The following TMEM132D variants were observed in gnomAD, a reference collection of about 807,000 sequenced individuals.
TMEM132D encodes transmembrane protein 132D.
In TMEM132D, 21 loss-of-function variants were observed where a neutral mutation model predicts 62.3. The ratio of observed to expected loss-of-function variants is 0.34; its 90% CI spans 0.24 to 0.49. The LOEUF (loss-of-function observed/expected upper bound fraction) is 0.49, where lower values mean the gene tolerates loss of function less well. Among genes scored for constraint, TMEM132D ranks in the 20% least tolerant of loss-of-function variants. The pLI is 0.99. For synonymous variants in TMEM132D, 621 were observed against 575.6 expected (o/e 1.08, Z -1.13); for missense variants, 1,346 against 1,402.8 (o/e 0.96, Z 0.65).
intron 2 of TMEM132D, among the ~76,000 whole-genome samples, chr12:129,563,738 CACAGACATTCAACCCACAG>C (rs1021235346): frequency 8.7e-4 from 132 of 152,128 alleles, no homozygotes; most frequent in African/African-American, 2.7e-3. Flanking sequence ...AGGGTCAACC[CACAGACATTCAACCCACAG>C]ACAGACATTC....
intron 1 of TMEM132D, among the ~76,000 whole-genome samples, chr12:129,724,123 G>A (rs1868941618): frequency 1.3e-5 from 2 of 152,216 alleles, no homozygotes; most frequent in Non-Finnish European, 2.9e-5. Flanking sequence ...GCACATTTGA[G>A]ATGACTATGC....
chr12:129,101,829 C>A (rs1436988654), intron 5 of TMEM132D, among the ~76,000 whole-genome samples: 1 of 152,094 alleles, frequency 6.6e-6, no homozygotes, highest in Non-Finnish European at 1.5e-5. Context: ...TGACAGCAAC[C>A]GAGGTCCTTT....
At chr12:129,492,785 T>C (rs1219378518) in intron 3 of TMEM132D, among the ~76,000 whole-genome samples, 3 of 152,086 alleles carry the variant, frequency 2.0e-5, no homozygotes. Flanking sequence ...TACCCTCAAG[T>C]CACTAAGGTC....
chr12:129,305,019 A>G (rs866776476), intron 4 of TMEM132D, among the ~76,000 whole-genome samples: 2 of 152,312 alleles, frequency 1.3e-5, no homozygotes, highest in African/African-American at 4.8e-5. Context: ...CTACAAAACC[A>G]TATATCCATT....
chr12:129,609,700 C>G (rs796327861), intron 2 of TMEM132D, among the ~76,000 whole-genome samples: 1 of 152,168 alleles, frequency 6.6e-6, no homozygotes, highest in Non-Finnish European at 1.5e-5. Context: ...CCTCATCCCA[C>G]GAAGAGGTCG....
intron 4 of TMEM132D, among the ~76,000 whole-genome samples, chr12:129,294,878 T>G (rs937566135): frequency 4.6e-5 from 7 of 152,222 alleles, no homozygotes; most frequent in Non-Finnish European, 1.0e-4. Context: ...TTCTCCAGTT[T>G]GGTGGGATTT....
intron 5 of TMEM132D, among the ~76,000 whole-genome samples, chr12:129,165,005 G>A (rs1877503608): frequency 6.6e-6 from 1 of 152,104 alleles, no homozygotes; most frequent in African/African-American, 2.4e-5. Flanking sequence ...AATAGATAAT[G>A]GTATATTCAT....
At chr12:129,849,145 G>T (rs569418991) in intron 1 of TMEM132D, among the ~76,000 whole-genome samples, 1 of 152,248 alleles carries the variant, frequency 6.6e-6, no homozygotes, top group Admixed American at 6.5e-5. Context: ...AAGCATCCCT[G>T]GCTTTCCAGT....
chr12:129,087,984 T>C, intron 5 of TMEM132D, among the ~76,000 whole-genome samples: 4 of 102,758 alleles, frequency 3.9e-5, no homozygotes, highest in African/African-American at 1.4e-4. Flanking sequence ...TGACCGGGTG[T>C]CCTCCATGAC....
intron 3 of TMEM132D, among the ~76,000 whole-genome samples, chr12:129,469,297 C>G (rs1308427225): frequency 1.3e-5 from 2 of 152,106 alleles, no homozygotes; most frequent in East Asian, 3.9e-4. Flanking sequence ...TGGTTCTGAC[C>G]CTTAAAACTT....
chr12:129,385,164 G>T (rs1220955672), intron 3 of TMEM132D, among the ~76,000 whole-genome samples: 1 of 143,668 alleles, frequency 7.0e-6, no homozygotes, highest in Non-Finnish European at 1.5e-5. Flanking sequence ...GTAGTGCAGT[G>T]GTGCGATCTT....
chr12:129,168,820 AT>A (rs1398980982), intron 5 of TMEM132D, among the ~76,000 whole-genome samples: 1 of 152,146 alleles, frequency 6.6e-6, no homozygotes, highest in Non-Finnish European at 1.5e-5. Flanking sequence ...TGGGTGGGGA[AT>A]CACCCTTGGT....
At chr12:129,692,437 C>A (rs1353594294) in intron 2 of TMEM132D, among the ~76,000 whole-genome samples, 2 of 152,188 alleles carry the variant, frequency 1.3e-5, no homozygotes, top group Non-Finnish European at 2.9e-5. Flanking sequence ...AGGTGCTGCA[C>A]ATTAGATCTT....
chr12:129,764,471 A>G (rs1870485561), intron 1 of TMEM132D, among the ~76,000 whole-genome samples: 1 of 152,226 alleles, frequency 6.6e-6, no homozygotes, highest in South Asian at 2.1e-4. Flanking sequence ...TTCATTGGAC[A>G]CAAAAAGGTT....
chr12:129,549,372 C>T (rs759210237), intron 2 of TMEM132D, among the ~76,000 whole-genome samples: 19 of 138,990 alleles, frequency 1.4e-4, no homozygotes, highest in East Asian at 8.6e-4. Flanking sequence ...ATAATTTCCA[C>T]GTGTTGTGGG....
chr12:129,769,831 G>C (rs1328973377), intron 1 of TMEM132D, among the ~76,000 whole-genome samples: 1 of 152,128 alleles, frequency 6.6e-6, no homozygotes, highest in Non-Finnish European at 1.5e-5. Context: ...AGTTGTCCAG[G>C]GAAGCAGAAA....
At chr12:129,717,049 G>A (rs1316012716) in intron 1 of TMEM132D, among the ~76,000 whole-genome samples, 1 of 152,128 alleles carries the variant, frequency 6.6e-6, no homozygotes, top group Admixed American at 6.6e-5. Flanking sequence ...TTGTATCCAG[G>A]CCAGTGCAGT....
chr12:129,799,281 C>G (rs941830966), intron 1 of TMEM132D, among the ~76,000 whole-genome samples: 5 of 150,386 alleles, frequency 3.3e-5, no homozygotes, highest in Non-Finnish European at 7.4e-5. Context: ...GACTCCGTCT[C>G]AAAAACAAAC....
chr12:129,719,115 G>A (rs538060150), intron 1 of TMEM132D, among the ~76,000 whole-genome samples: 4 of 151,352 alleles, frequency 2.6e-5, no homozygotes, highest in African/African-American at 9.7e-5. Context: ...AAAGCTGGGT[G>A]TAGTGGCGCA....
Sources: gnomAD v4.1 joint callset for allele counts (sites outside exome capture counted in the v4.1 genomes callset) on GRCh38, gnomAD v4.1.1 for gene constraint, MANE v1.5 for transcripts, NCBI Gene and HGNC (gene_info 2026-07-23, HGNC 2026-07-21) for gene names.